Variants in PHACTR1 observed in about 807,000 individuals in gnomAD.
PHACTR1 encodes phosphatase and actin regulator 1, also known as RPEL repeat containing 1.
PHACTR1 carries 16 observed loss-of-function variants against 69.2 expected under a neutral mutation model. The observed-to-expected ratio is 0.23, with a 90% CI of 0.16 to 0.35. The LOEUF is 0.35. Among genes scored for constraint, PHACTR1 ranks in the 10% least tolerant of loss-of-function variants. The pLI is 1.00. For synonymous variants in PHACTR1, 312 were observed against 284.5 expected (o/e 1.10, Z -0.97); for missense variants, 510 against 734.7 (o/e 0.69, Z 3.54).
intron 4 of PHACTR1, among the ~76,000 whole-genome samples, chr6:13,008,450 C>A (rs1056263735): frequency 5.3e-5 from 8 of 152,202 alleles, no homozygotes; most frequent in Non-Finnish European, 1.0e-4. Flanking sequence ...AAGGAATTTT[C>A]ACTAGCCATT....
intron 4 of PHACTR1, among the ~76,000 whole-genome samples, chr6:12,894,951 A>G (rs1582343349): frequency 6.6e-6 from 1 of 152,288 alleles, no homozygotes; most frequent in Middle Eastern, 3.4e-3. Context: ...CCTTCTCTTT[A>G]AAACATGTGA....
At chr6:12,850,238 C>T (rs781113107) in intron 4 of PHACTR1, among the ~76,000 whole-genome samples, 18 of 152,216 alleles carry the variant, frequency 1.2e-4, no homozygotes, top group Non-Finnish European at 2.4e-4. Context: ...AAGAAGCCAC[C>T]AGAATAACAA....
intron 3 of PHACTR1, among the ~76,000 whole-genome samples, chr6:12,726,526 G>A (rs1249687888): frequency 6.6e-6 from 1 of 152,160 alleles, no homozygotes; most frequent in African/African-American, 2.4e-5. Flanking sequence ...CTCGAAGGAA[G>A]GCGGGTGTAG....
At chr6:12,732,054 T>C (rs1323496946) in intron 3 of PHACTR1, among the ~76,000 whole-genome samples, 1 of 151,846 alleles carries the variant, frequency 6.6e-6, no homozygotes, top group Non-Finnish European at 1.5e-5. Context: ...TTGCAGAATA[T>C]GTGATTTGCT....
chr6:12,962,074 G>A (rs72820843), intron 4 of PHACTR1, among the ~76,000 whole-genome samples: 7 of 152,168 alleles, frequency 4.6e-5, no homozygotes, highest in Non-Finnish European at 1.0e-4. Context: ...GACCACAGGG[G>A]TATGACACCA....
intron 4 of PHACTR1, among the ~76,000 whole-genome samples, chr6:12,774,543 C>A (rs1009542078): frequency 1.3e-5 from 2 of 152,052 alleles, no homozygotes; most frequent in African/African-American, 4.8e-5. Context: ...AGGTGCCCAC[C>A]ACCACACCTG....
chr6:12,806,321 A>G (rs1259575682), intron 4 of PHACTR1, among the ~76,000 whole-genome samples: 2 of 152,204 alleles, frequency 1.3e-5, no homozygotes, highest in East Asian at 3.8e-4. Flanking sequence ...CTGGAAGAAA[A>G]CGTTCATTTC....
rs78667584 is a variant in PHACTR1 at position 13,220,462 on chromosome 6, G to A, written c.987-7354G>A. 9.3e-3 allele frequency among the ~76,000 whole-genome samples: 1,413 copies of A among 152,212 alleles called. 20 individuals carry two copies. Among genetic ancestry groups the A allele is most frequent in the African/African-American group, 0.03 (1,226 of 41,516 alleles). ...TATAGATCTCATCAAGCTTAATGACGTCACCTTACAAAGCAGCCTAACTTT... is the reference window on the plus strand; with the variant it reads ...TATAGATCTCATCAAGCTTAATGACATCACCTTACAAAGCAGCCTAACTTT... On this transcript the variant is annotated intron_variant, in intron 8 of 14. Coordinates refer to ENST00000332995, the MANE Select transcript of PHACTR1 (RefSeq NM_030948.6).
At chr6:13,063,817 G>C (rs1174204423) in intron 5 of PHACTR1, among the ~76,000 whole-genome samples, 1 of 151,976 alleles carries the variant, frequency 6.6e-6, no homozygotes, top group Non-Finnish European at 1.5e-5. Context: ...AGGATTGTTG[G>C]GGGAAGGGAC....
intron 4 of PHACTR1, among the ~76,000 whole-genome samples, chr6:12,782,425 T>C (rs1181735509): frequency 6.6e-6 from 1 of 152,220 alleles, no homozygotes; most frequent in Non-Finnish European, 1.5e-5. Context: ...AAGGAGGCTG[T>C]ATTCACAGGG....
chr6:13,224,717 G>GT (rs1193088062), intron 8 of PHACTR1, among the ~76,000 whole-genome samples: 1 of 152,198 alleles, frequency 6.6e-6, no homozygotes, highest in Non-Finnish European at 1.5e-5. Context: ...AAATAGTACA[G>GT]TTCATGATGC....
chr6:12,820,324 G>A (rs975432440), intron 4 of PHACTR1, among the ~76,000 whole-genome samples: 4 of 152,094 alleles, frequency 2.6e-5, no homozygotes, highest in Admixed American at 2.6e-4. Context: ...GGGACTACAG[G>A]CGCATGCCAC....
intron 4 of PHACTR1, among the ~76,000 whole-genome samples, chr6:12,917,929 CAG>C (rs1787196624): frequency 6.6e-6 from 1 of 152,182 alleles, no homozygotes; most frequent in African/African-American, 2.4e-5. Flanking sequence ...GCACTAAACA[CAG>C]AATGCAATTC....
chr6:13,029,337 T>C (rs1802132583), intron 4 of PHACTR1, among the ~76,000 whole-genome samples: 1 of 152,168 alleles, frequency 6.6e-6, no homozygotes, highest in African/African-American at 2.4e-5. Flanking sequence ...AGGAGTGGTT[T>C]GGTGAAAAGG....
At chr6:13,194,789 A>G in intron 7 of PHACTR1, among the ~76,000 whole-genome samples, 1 of 152,272 alleles carries the variant, frequency 6.6e-6, no homozygotes, top group East Asian at 1.9e-4. Context: ...TTGTCTAGTA[A>G]AATTTTTTTT....
In PHACTR1 at chr6:13,211,772, G is replaced by T. The variant is rs761618461; in HGVS notation, c.986+5636G>T. 9.3e-4 allele frequency among the ~76,000 whole-genome samples: 142 copies of T among 152,256 alleles called. 1 individual carries two copies. Among genetic ancestry groups the T allele is most frequent in the African/African-American group, 2.6e-3 (108 of 41,538 alleles). On this transcript the variant is annotated intron_variant, in intron 8 of 14. Transcript: ENST00000332995. ...TCCTGCCTGAGCCTCAGTCGGCCTT[G>T]CCTGGCTTACTGCAGTTTCTCCCAC...
intron 4 of PHACTR1, among the ~76,000 whole-genome samples, chr6:12,860,899 G>A (rs1340438664): frequency 1.4e-5 from 2 of 147,300 alleles, no homozygotes; most frequent in Non-Finnish European, 2.9e-5. Flanking sequence ...CATTGCTGAT[G>A]TATTATACAA....
intron 4 of PHACTR1, among the ~76,000 whole-genome samples, chr6:12,751,979 T>G (rs1009644148): frequency 3.0e-4 from 46 of 152,168 alleles, no homozygotes; most frequent in African/African-American, 1.1e-3. Flanking sequence ...CCTCCTGTGA[T>G]GGAATCCCGA....
intron 10 of PHACTR1, among the ~76,000 whole-genome samples, chr6:13,265,903 T>C (rs1332184341): frequency 6.6e-6 from 1 of 152,122 alleles, no homozygotes; most frequent in Non-Finnish European, 1.5e-5. Context: ...CTCTCCATAC[T>C]CATGGCTTCA....
Sources: gnomAD v4.1 joint callset for allele counts (sites outside exome capture counted in the v4.1 genomes callset) on GRCh38, gnomAD v4.1.1 for gene constraint, MANE v1.5 for transcripts, NCBI Gene and HGNC (gene_info 2026-07-23, HGNC 2026-07-21) for gene names.